Variants in NDST2 observed in about 807,000 individuals in gnomAD.
NDST2 encodes N-deacetylase and N-sulfotransferase 2, also known as bifunctional heparan sulfate N-deacetylase/N-sulfotransferase 2.
NDST2 carries 32 observed loss-of-function variants against 86.9 expected under a neutral mutation model. The observed-to-expected ratio is 0.37, with a 90% CI of 0.28 to 0.49. The LOEUF (loss-of-function observed/expected upper bound fraction) is 0.49. NDST2 is among the 20% of genes least tolerant of loss of function. NDST2 has a pLI of 0.97. For synonymous variants in NDST2, 409 were observed against 437.0 expected (o/e 0.94, Z 0.80); for missense variants, 950 against 1,146.9 (o/e 0.83, Z 2.48).
At chr10:73,805,809 C>T (rs995845782) in intron 7 of NDST2, 40 bp from the exon 8 acceptor site, 6 of 1,613,176 alleles carry the variant, frequency 3.7e-6, no homozygotes, top group African/African-American at 2.7e-5. Context: ...GAGAGCCTAC[C>T]CCACCTCTGA....
In NDST2 at chr10:73,808,396, G is replaced by C. The variant is rs2084144228; in HGVS notation, c.-8C>G. Reference sequence around the variant, plus strand: ...CTTCCACAACTGGAGCATGGCGGGGGGAGGAAGGGAGGGAGGAATGGGGAC... The same window carrying C: ...CTTCCACAACTGGAGCATGGCGGGGCGAGGAAGGGAGGGAGGAATGGGGAC... On this transcript the variant is annotated 5_prime_UTR_variant, in exon 3 of 15. Transcript: ENST00000309979. The surrounding 1 kb of genome is among the most constrained non-coding windows in gnomAD (Gnocchi z 4.3). The C allele has an allele frequency of 6.3e-7, 1 of 1,579,876 alleles. No homozygotes were observed. Among genetic ancestry groups the C allele is most frequent in the South Asian group, 1.2e-5 (1 of 86,208 alleles).
At position 73,807,112 on chromosome 10, in the gene NDST2, A is replaced by G; in HGVS notation, c.1089T>C (p.His363=). 13 of 1,613,684 alleles carry G rather than the reference A, an allele frequency of 8.1e-6. No individual in the cohort carries two copies. Among genetic ancestry groups the G allele is most frequent in the Non-Finnish European group, 1.1e-5 (13 of 1,179,572 alleles). ...GGAGTAGGGGTATAAGCTCACCAGT[A>G]TGATAGAACTTGCCCGAGAAGCCCA... The part of the protein sequence containing the change: ...FNLGFSGKFY[H]TGTEEEDAGD... Residue 363 remains histidine (H), a synonymous_variant, in exon 4 of 15, where the codon CAT becomes CAC. Transcript: ENST00000309979.
rs1286939842 is a variant in NDST2 at position 73,803,289 on chromosome 10, T to A, written c.2213A>T (p.Gln738Leu). The A allele has an allele frequency of 6.2e-7, 1 of 1,614,138 alleles. No individual in the cohort carries two copies. The highest frequency in any genetic ancestry group is 1.3e-5 in the African/African-American group (1 of 75,022). Reference sequence around the variant, plus strand: ...CAGGGAGCGTAGTGCCAGAGGGGTCTGGGAGGAGGCTGAAATCACCTGATA... The same window carrying A: ...CAGGGAGCGTAGTGCCAGAGGGGTCAGGGAGGAGGCTGAAATCACCTGATA... ...TFYQVISASS[Q>L]TPLALRSLQN... is the part of the protein sequence containing the mutation. The change falls in exon 12 of 15, where the codon CAG (glutamine) becomes CTG (leucine). Residue 738 changes from glutamine (Q) to leucine (L), a missense_variant. Physicochemically the swap from Gln to Leu is moderately radical, Grantham distance 113. This residue lies in a region of NDST2 where 303 missense variants were observed against 323.7 expected (regional missense o/e 0.94). Transcript: ENST00000309979.
chr10:73,807,588 C>G lies in NDST2; in HGVS notation c.801G>C (p.Gln267His). The G allele has an allele frequency of 6.2e-7, 1 of 1,614,240 alleles. No homozygotes were observed. Residue 267 changes from glutamine to histidine, a missense_variant, in exon 3 of 15, where the codon CAG (glutamine) becomes CAC (histidine). By Grantham distance (24) the Gln-to-His change is conservative. This residue lies in a region of NDST2 where 586 missense variants were observed against 714.0 expected (regional missense o/e 0.82). Transcript: ENST00000309979. ...LRRARLPTVV[Q>H]DLGLHDGIQR... ...GGATGCCATCATGAAGCCCCAGGTC[C>G]TGTACCACAGTGGGAAGCCGGGCCC... is the stretch of plus-strand genomic sequence containing the variant.
intron 9 of NDST2, 79 bp from the exon 10 acceptor site, chr10:73,804,095 T>TG: frequency 6.5e-7 from 1 of 1,537,564 alleles, no homozygotes. Context: ...TTGAAGGAAG[T>TG]GAAAAAATAA....
intron 8 of NDST2, 37 bp from the exon 9 acceptor site, chr10:73,804,906 T>C (rs1275541964): frequency 4.6e-6 from 6 of 1,311,676 alleles, no homozygotes; most frequent in Non-Finnish European, 6.4e-6. Flanking sequence ...AGGCCTATTT[T>C]TTTTTTTTTT....
rs758861581 is a variant in NDST2, at chr10:73,803,756, G to A, written c.1968-8C>T. On this transcript the variant is annotated splice_region_variant and splice_polypyrimidine_tract_variant and intron_variant, in intron 10 of 14. Transcript: ENST00000309979. ...GGGAAGAAATCCATGTACCTAGGAA[G>A]TAGCACAGAAGAGAGAGAAGCAGAA... 1.9e-6 allele frequency: 3 copies of A among 1,614,008 alleles called. No individual in the cohort carries two copies. Among genetic ancestry groups the A allele is most frequent in the Middle Eastern group, 1.6e-4 (1 of 6,084 alleles).
intron 1 of NDST2, 109 bp downstream of exon 1, chr10:73,811,365 G>C (rs1476271381): frequency 6.5e-6 from 1 of 152,780 alleles, no homozygotes; most frequent in Admixed American, 6.5e-5. Flanking sequence ...CGCACGCTGG[G>C]CCGCCCGGGA....
rs1321081993 is a variant in NDST2, at chr10:73,802,145, G to A, written c.*306C>T. ...GAATAGATACACTGCTGCGGATGAA[G>A]AGGGAAATCTCATTGGACTAATACA... is the stretch of plus-strand genomic sequence containing the variant. On this transcript the variant is annotated 3_prime_UTR_variant, in exon 15 of 15. Coordinates refer to ENST00000309979, the MANE Select transcript of NDST2 (RefSeq NM_003635.4). The A allele has an allele frequency of 4.2e-6, 2 of 476,880 alleles. No individual in the cohort carries two copies. The highest frequency in any genetic ancestry group is 7.6e-6 in the Non-Finnish European group (2 of 264,192). The allele number at this position is 476,880 out of a possible 1,614,324, so 29.5% of individuals were successfully genotyped here.
Position 73,808,093 on chromosome 10 carries a change from C to T in NDST2, c.296G>A (p.Gly99Glu). 1 of 1,614,216 alleles carries T rather than the reference C, an allele frequency of 6.2e-7. No homozygotes were observed. Among genetic ancestry groups the T allele is most frequent in the Non-Finnish European group, 8.5e-7 (1 of 1,180,040 alleles). ...VFVESAYSQL[G>E]QEIVAILESS... ...CTCCAGGATGGCCACAATTTCCTGC[C>T]CCAGCTGTGAGTATGCACTCTCCAC... The change falls in exon 3 of 15, where the codon GGG becomes GAG. Residue 99 changes from glycine (G) to glutamate (E), a missense_variant. By Grantham distance (98) the Gly-to-Glu change is moderately conservative. This residue lies in a region of NDST2 where 586 missense variants were observed against 714.0 expected (regional missense o/e 0.82). Coordinates refer to ENST00000309979, the MANE Select transcript of NDST2 (RefSeq NM_003635.4). The surrounding 1 kb of genome is among the most constrained non-coding windows in gnomAD (Gnocchi z 4.3).
rs963194795 is a variant in NDST2 at position 73,806,133 on chromosome 10, G to A, written c.1435-105C>T. ...CTGAGTCTGAAGTTATAGCAATAAAGCTCTTACTGAGGGTGTTAAAATTTT... is the reference window on the plus strand; with the variant it reads ...CTGAGTCTGAAGTTATAGCAATAAAACTCTTACTGAGGGTGTTAAAATTTT... On this transcript the variant is annotated intron_variant, in intron 6 of 14. Coordinates refer to ENST00000309979, the MANE Select transcript of NDST2 (RefSeq NM_003635.4). The surrounding 1 kb of genome is among the most constrained non-coding windows in gnomAD (Gnocchi z 4.5). The A allele has an allele frequency of 3.3e-6, 5 of 1,535,782 alleles. No individual in the cohort carries two copies. Among genetic ancestry groups the A allele is most frequent in the East Asian group, 2.3e-5 (1 of 44,360 alleles).
chr10:73,802,890 A>C (rs1226384757), intron 13 of NDST2, 82 bp downstream of exon 13: 1 of 1,506,910 alleles, frequency 6.6e-7, no homozygotes, highest in African/African-American at 1.4e-5. Flanking sequence ...GAGACAGAGT[A>C]AATCTATGTC....
rs1231398151 is a variant in NDST2, at chr10:73,806,154, A to ATT, written c.1435-128_1435-127dup. The ATT allele has an allele frequency of 1.8e-5, 28 of 1,535,490 alleles. No homozygotes were observed. Among genetic ancestry groups the ATT allele is most frequent in the Non-Finnish European group, 1.8e-5 (20 of 1,125,316 alleles). On this transcript the variant is annotated intron_variant, in intron 6 of 14. Coordinates refer to ENST00000309979, the MANE Select transcript of NDST2 (RefSeq NM_003635.4). This position sits in a 1 kb window ranked among gnomAD's most constrained non-coding sequence, Gnocchi z 4.5. ...TAAAGCTCTTACTGAGGGTGTTAAA[A>ATT]TTTTTTCACCTTTCTACCCCCAATT... is the stretch of plus-strand genomic sequence containing the variant.
At position 73,807,779 on chromosome 10, in the gene NDST2, G is replaced by C. The variant is rs2084130595; in HGVS notation, c.610C>G (p.Pro204Ala). 1 of 1,614,202 alleles carries C rather than the reference G, an allele frequency of 6.2e-7. No homozygotes were observed. The highest frequency in any genetic ancestry group is 8.5e-7 in the Non-Finnish European group (1 of 1,180,038). Residue 204 changes from proline (P) to alanine (A), a missense_variant, in exon 3 of 15, where the codon CCT (proline) becomes GCT (alanine). Coordinates refer to ENST00000309979, the MANE Select transcript of NDST2 (RefSeq NM_003635.4). ...NLGLRDYQVN[P>A]SAPLLHLTRP... ...GTGAGATGCAGTAGCGGGGCAGAAG[G>C]ATTCACTTGGTAGTCCCGGAGCCCC...
Position 73,802,569 on chromosome 10 carries a change from A to G in NDST2, c.2534T>C (p.Leu845Pro). The change falls in exon 15 of 15, where the codon CTT becomes CCT. Residue 845 changes from leucine (L) to proline (P), a missense_variant. By Grantham distance (98) the Leu-to-Pro change is moderately conservative. Coordinates refer to ENST00000309979, the MANE Select transcript of NDST2 (RefSeq NM_003635.4). The stretch of plus-strand genomic sequence containing the variant: ...GTTCCGGAAAAAATCCGTAAGGAAA[A>G]GACGGGACTGACAGGAGAAAATGAA... ...RYPDMDTESR[L>P]FLTDFFRNHN... The G allele has an allele frequency of 6.2e-7, 1 of 1,614,202 alleles. No homozygotes were observed. The highest frequency in any genetic ancestry group is 8.5e-7 in the Non-Finnish European group (1 of 1,180,036).
intron 12 of NDST2, 33 bp downstream of exon 12, chr10:73,803,156 G>A: frequency 6.2e-7 from 1 of 1,613,722 alleles, no homozygotes; most frequent in Non-Finnish European, 8.5e-7. Flanking sequence ...AGGGGAAGGG[G>A]AACCCCACTG....
chr10:73,806,145 G>A lies in NDST2; in HGVS notation c.1435-117C>T, dbSNP rs1368856760. 3.9e-6 allele frequency: 6 copies of A among 1,527,900 alleles called. No individual in the cohort carries two copies. In the African/African-American group the frequency reaches 5.5e-5, roughly 14 times the overall value. 94.6% of individuals were successfully genotyped at this position (1,527,900 alleles called of 1,614,324 possible). A position where few individuals can be genotyped will look rare whatever the true frequency, so the allele number is the denominator to read the frequency against. Reference sequence around the variant, plus strand: ...TTATAGCAATAAAGCTCTTACTGAGGGTGTTAAAATTTTTTCACCTTTCTA... The same window carrying A: ...TTATAGCAATAAAGCTCTTACTGAGAGTGTTAAAATTTTTTCACCTTTCTA... On this transcript the variant is annotated intron_variant, in intron 6 of 14. Transcript: ENST00000309979. This position sits in a 1 kb window ranked among gnomAD's most constrained non-coding sequence, Gnocchi z 4.5.
Position 73,808,341 on chromosome 10 carries a change from C to T in NDST2, c.48G>A (p.Leu16=), listed in dbSNP as rs1484028449. The T allele has an allele frequency of 6.3e-7, 1 of 1,595,148 alleles. No individual in the cohort carries two copies. Among genetic ancestry groups the T allele is most frequent in the Non-Finnish European group, 8.5e-7 (1 of 1,171,112 alleles). ...KVVRPARQLE[L]HRLILLLIAF... Reference sequence around the variant, plus strand: ...CGATCAGCAGCAGTATGAGGCGGTGCAGTTCCAGCTGCCGAGCTGGGCGTA... The same window carrying T: ...CGATCAGCAGCAGTATGAGGCGGTGTAGTTCCAGCTGCCGAGCTGGGCGTA... The change falls in exon 3 of 15, where the codon CTG becomes CTA. Residue 16 remains leucine, a synonymous_variant. Coordinates refer to ENST00000309979, the MANE Select transcript of NDST2 (RefSeq NM_003635.4). This position sits in a 1 kb window ranked among gnomAD's most constrained non-coding sequence, Gnocchi z 4.3.
Position 73,803,247 on chromosome 10 carries a change from A to T in NDST2, c.2255T>A (p.Val752Asp), listed in dbSNP as rs749288769. The change falls in exon 12 of 15, where the codon GTC (valine) becomes GAC (aspartate). Residue 752 changes from valine (V) to aspartate (D), a missense_variant. Val to Asp is a radical substitution (Grantham distance 152). Coordinates refer to ENST00000309979, the MANE Select transcript of NDST2 (RefSeq NM_003635.4). ...TAGATGGGTAGAATAGTAGCCAGGG[A>T]CAAGACAGCGGTTCTGCAGGGAGCG... ...ALRSLQNRCLVPGYYSTHLQR... is the reference protein window; with the variant it reads ...ALRSLQNRCLDPGYYSTHLQR... 2 of 1,614,194 alleles carry T rather than the reference A, an allele frequency of 1.2e-6. No individual in the cohort carries two copies. The highest frequency in any genetic ancestry group is 2.2e-5 in the East Asian group (1 of 44,876).
Sources: gnomAD v4.1 joint callset for allele counts on GRCh38, gnomAD v4.1.1 for gene constraint, gnomAD v4.1.1 regional missense constraint, Gnocchi (gnomAD v3.1) non-coding constraint, MANE v1.5 for transcripts, NCBI Gene and HGNC (gene_info 2026-07-23, HGNC 2026-07-21) for gene names.